FAM184A: variants seen among roughly 807,000 people sequenced by gnomAD.
FAM184A encodes the protein family with sequence similarity 184 member A.
Under a neutral mutation model 143.8 loss-of-function variants are expected in FAM184A, and 99 were observed. The ratio of observed to expected loss-of-function variants is 0.69; its 90% CI spans 0.58 to 0.81. FAM184A has a LOEUF of 0.81. FAM184A is among the 40% of genes least tolerant of loss of function. FAM184A has a pLI of 0.00. For missense variants in FAM184A, 1,217 were observed against 1,310.5 expected, an observed-to-expected ratio of 0.93 and a Z score of 1.10; for synonymous variants, 427 against 446.4, an observed-to-expected ratio of 0.96 and a Z score of 0.55.
chr6:119,041,541 G>A (rs745831572), intron 1 of FAM184A, among the ~76,000 whole-genome samples: 9 of 152,292 alleles, frequency 5.9e-5, no homozygotes, highest in Middle Eastern at 3.4e-3. Flanking sequence ...GCTGGCAACC[G>A]CTACCCTCTT....
upstream of FAM184A, among the ~76,000 whole-genome samples, chr6:119,079,369 A>G (rs1362036381): frequency 6.6e-6 from 1 of 152,178 alleles, no homozygotes; most frequent in East Asian, 1.9e-4. Context: ...ATAAGTAAGA[A>G]TAGGATCGGA....
rs185662272 is a variant in FAM184A at position 119,060,318 on chromosome 6, A to G, written c.159+17823T>C. Among the ~76,000 whole-genome samples the G allele has an allele frequency of 2.6e-5, 4 of 152,328 alleles. No homozygotes were observed. The East Asian group carries it at 5.8e-4, about 22-fold the overall frequency. Reference sequence around the variant, plus strand: ...CATATATGAAAAGGGAACGAGCTGTATATCTGGTCAATAATATCTTTTTGC... The same window carrying G: ...CATATATGAAAAGGGAACGAGCTGTGTATCTGGTCAATAATATCTTTTTGC... On this transcript the variant is annotated intron_variant, in intron 1 of 17. Transcript: ENST00000338891.
rs772981569 is a variant in FAM184A, at chr6:119,019,968, T to G, written c.1332+10A>C. The G allele has an allele frequency of 9.1e-6, 14 of 1,537,786 alleles. No individual in the cohort carries two copies. The highest frequency in any genetic ancestry group is 1.2e-5 in the Non-Finnish European group (14 of 1,148,020). ...CTTTCGGGGGGAATGGAGTGTCCAT[T>G]ACTTTTTACCTTCTCCAGTTCTAGA... On this transcript the variant is annotated intron_variant, in intron 4 of 17. Coordinates refer to ENST00000338891, the MANE Select transcript of FAM184A (RefSeq NM_024581.6).
chr6:119,102,121 A>T (rs1307070327), intron 1 of FAM184A, among the ~76,000 whole-genome samples: 1 of 152,196 alleles, frequency 6.6e-6, no homozygotes, highest in African/African-American at 2.4e-5. Context: ...TGCTAGGAAG[A>T]AACTGAATAA....
At chr6:119,064,838 A>C (rs1036515835) in intron 1 of FAM184A, among the ~76,000 whole-genome samples, 2 of 152,074 alleles carry the variant, frequency 1.3e-5, no homozygotes, top group African/African-American at 4.8e-5. Context: ...AACTATTCCA[A>C]ATGTTTTCTA....
At chr6:118,960,797 A>T (rs1283309383) in intron 17 of FAM184A, 1 of 1,365,886 alleles carries the variant, frequency 7.3e-7, no homozygotes, top group African/African-American at 1.5e-5. Flanking sequence ...CAAGGCACGC[A>T]ACAATGTGTA....
intron 6 of FAM184A, among the ~76,000 whole-genome samples, chr6:119,009,126 G>C (rs1785015835): frequency 1.3e-5 from 2 of 152,164 alleles, no homozygotes; most frequent in African/African-American, 4.8e-5. Context: ...CTACTGCACA[G>C]GGTTGCTGTG....
intron 1 of FAM184A, among the ~76,000 whole-genome samples, chr6:119,095,231 T>C (rs1459649997): frequency 6.6e-6 from 1 of 152,218 alleles, no homozygotes; most frequent in African/African-American, 2.4e-5. Context: ...ATAAGCCCTA[T>C]TCATTCTTAC....
intron 1 of FAM184A, among the ~76,000 whole-genome samples, chr6:119,106,384 C>G (rs1788782958): frequency 6.6e-6 from 1 of 152,152 alleles, no homozygotes; most frequent in Non-Finnish European, 1.5e-5. Context: ...CAGAGCGAGA[C>G]TCCGTCTCAA....
intron 1 of FAM184A, among the ~76,000 whole-genome samples, chr6:119,061,859 T>C (rs1052877102): frequency 1.1e-4 from 16 of 152,092 alleles, no homozygotes; most frequent in Non-Finnish European, 1.0e-4. Context: ...ACTATATGTA[T>C]CAAAACATCA....
chr6:119,094,174 C>T (rs1267640725), intron 1 of FAM184A, among the ~76,000 whole-genome samples: 1 of 151,900 alleles, frequency 6.6e-6, no homozygotes, highest in African/African-American at 2.4e-5. Flanking sequence ...TGAGCTCAAG[C>T]GATCCTTCTG....
chr6:119,046,238 T>C (rs1418634233), intron 1 of FAM184A, among the ~76,000 whole-genome samples: 1 of 151,920 alleles, frequency 6.6e-6, no homozygotes, highest in Non-Finnish European at 1.5e-5. Flanking sequence ...TTTTTTTTTT[T>C]TTTGAGACAG....
At chr6:118,990,411 A>G (rs1180436262) in intron 9 of FAM184A, among the ~76,000 whole-genome samples, 2 of 152,166 alleles carry the variant, frequency 1.3e-5, no homozygotes, top group Non-Finnish European at 1.5e-5. Flanking sequence ...ACCCAGTTGC[A>G]GGCCATGAAA....
chr6:119,042,620 C>T lies in FAM184A; in HGVS notation c.160-17807G>A, dbSNP rs192216364. ...ACAAGAGCACAGAGGATTTTTAGGG[C>T]AGTGGAACTATTCTATATAATACCA... is the stretch of plus-strand genomic sequence containing the variant. On this transcript the variant is annotated intron_variant, in intron 1 of 17. Coordinates refer to ENST00000338891, the MANE Select transcript of FAM184A (RefSeq NM_024581.6). Among the ~76,000 whole-genome samples, 11 of 152,284 alleles carry T rather than the reference C, an allele frequency of 7.2e-5. 1 individual carries two copies. In the East Asian group the frequency reaches 1.7e-3, roughly 24 times the overall value.
chr6:119,099,772 G>A (rs371520580), intron 1 of FAM184A, among the ~76,000 whole-genome samples: 1 of 152,062 alleles, frequency 6.6e-6, no homozygotes, highest in African/African-American at 2.4e-5. Flanking sequence ...CGCACCTGAA[G>A]AGGGCATGGA....
At chr6:119,088,801 A>T (rs532672700) in intron 1 of FAM184A, among the ~76,000 whole-genome samples, 1 of 152,188 alleles carries the variant, frequency 6.6e-6, no homozygotes, top group Non-Finnish European at 1.5e-5. Context: ...CAATAATCAT[A>T]CTAGCTTTTT....
intron 1 of FAM184A, among the ~76,000 whole-genome samples, chr6:119,147,182 C>G (rs1328961574): frequency 1.3e-5 from 2 of 151,788 alleles, no homozygotes; most frequent in African/African-American, 4.8e-5. Context: ...AAGTCTCTTC[C>G]AAGTTCCTCA....
At chr6:119,081,064 A>G (rs1788047303), upstream of FAM184A, among the ~76,000 whole-genome samples, 1 of 152,168 alleles carries the variant, frequency 6.6e-6, no homozygotes, top group Non-Finnish European at 1.5e-5. Context: ...ATGGTAACTC[A>G]CTGTCATGAG....
At chr6:119,134,702 T>A (rs1021019123) in intron 1 of FAM184A, among the ~76,000 whole-genome samples, 5 of 147,502 alleles carry the variant, frequency 3.4e-5, no homozygotes, top group African/African-American at 1.3e-4. Flanking sequence ...AAAAAGTGTA[T>A]CACTTCTTAT....
Sources: gnomAD v4.1 joint callset for allele counts (sites outside exome capture counted in the v4.1 genomes callset) on GRCh38, gnomAD v4.1.1 for gene constraint, MANE v1.5 for transcripts, NCBI Gene and HGNC (gene_info 2026-07-23, HGNC 2026-07-21) for gene names.